The following LTBP1 variants were observed in gnomAD, a reference collection of about 807,000 sequenced individuals.
LTBP1 encodes the protein latent transforming growth factor beta binding protein 1, also known as latent-transforming growth factor beta-binding protein 1.
A neutral mutation model predicts 207.6 loss-of-function variants in LTBP1; 129 were observed. That is an observed-to-expected ratio of 0.62 (90% CI 0.54 to 0.72). LTBP1 has a LOEUF of 0.72. LTBP1 is among the 30% of genes least tolerant of loss of function. LTBP1 has a pLI of 0.00. For synonymous variants in LTBP1, 963 were observed against 833.7 expected, an observed-to-expected ratio of 1.16 and a Z score of -2.67; for missense variants, 2,281 against 2,217.2, an observed-to-expected ratio of 1.03 and a Z score of -0.58.
At chr2:33,120,567 A>G (rs1017505552) in intron 4 of LTBP1, among the ~76,000 whole-genome samples, 4 of 151,992 alleles carry the variant, frequency 2.6e-5, no homozygotes, top group African/African-American at 9.7e-5. Context: ...TATGTACCAT[A>G]TTTTCTTTAT....
At chr2:33,163,666 G>A (rs1466493251) in intron 5 of LTBP1, among the ~76,000 whole-genome samples, 1 of 152,132 alleles carries the variant, frequency 6.6e-6, no homozygotes, top group Admixed American at 6.5e-5. Context: ...TTATATATAT[G>A]TAACAGAATT....
chr2:33,033,128 G>C (rs2075762707), intron 3 of LTBP1, among the ~76,000 whole-genome samples: 1 of 152,112 alleles, frequency 6.6e-6, no homozygotes, highest in African/African-American at 2.4e-5. Context: ...TGTGTGCCAG[G>C]CAGTGTGCTA....
chr2:33,257,174 G>GTAAC, intron 11 of LTBP1, 110 bp from the exon 12 acceptor site: 1 of 740,138 alleles, frequency 1.4e-6, no homozygotes, highest in East Asian at 2.8e-5. Context: ...GTTTTAAAAT[G>GTAAC]TAACTACATT....
At chr2:33,111,715 C>T (rs1475952543) in intron 4 of LTBP1, among the ~76,000 whole-genome samples, 1 of 152,168 alleles carries the variant, frequency 6.6e-6, no homozygotes, top group Middle Eastern at 3.2e-3. Flanking sequence ...GAGTATCTAA[C>T]AGCAGGTTTG....
intron 20 of LTBP1, among the ~76,000 whole-genome samples, chr2:33,298,358 G>C (rs1469013478): frequency 1.3e-5 from 2 of 152,200 alleles, no homozygotes; most frequent in East Asian, 3.9e-4. Context: ...TACGTAAGAT[G>C]TCTGGCATAG....
At chr2:33,214,465 C>T (rs1267166858) in intron 7 of LTBP1, among the ~76,000 whole-genome samples, 2 of 152,166 alleles carry the variant, frequency 1.3e-5, no homozygotes, top group African/African-American at 2.4e-5. Context: ...CGTGCCTGTG[C>T]ATGTTTGTTT....
chr2:33,341,729 A>AAAAAATATAT (rs745445793), intron 24 of LTBP1, among the ~76,000 whole-genome samples: 35 of 93,620 alleles, frequency 3.7e-4, no homozygotes, highest in South Asian at 1.2e-3. Flanking sequence ...AAAAAAAAAA[A>AAAAAATATAT]ATATATATAT....
intron 3 of LTBP1, among the ~76,000 whole-genome samples, chr2:33,066,261 C>A (rs1336531886): frequency 2.0e-5 from 3 of 152,162 alleles, no homozygotes; most frequent in Non-Finnish European, 4.4e-5. Context: ...GCCATACTCA[C>A]TTGTTTATAT....
chr2:33,306,773 C>T (rs899850318), intron 22 of LTBP1, among the ~76,000 whole-genome samples: 4 of 151,866 alleles, frequency 2.6e-5, no homozygotes, highest in Non-Finnish European at 5.9e-5. Flanking sequence ...TCCTACAAAG[C>T]AAAGAAAGAA....
intron 33 of LTBP1, 43 bp downstream of exon 33, chr2:33,397,325 A>G (rs776393181): frequency 6.2e-7 from 1 of 1,606,178 alleles, no homozygotes; most frequent in South Asian, 1.1e-5. Context: ...TTTTTTCCTG[A>G]CACCCCGTAT....
intron 7 of LTBP1, among the ~76,000 whole-genome samples, chr2:33,204,209 T>A (rs945089186): frequency 6.6e-6 from 1 of 152,076 alleles, no homozygotes; most frequent in Admixed American, 6.6e-5. Flanking sequence ...ATCCTTCCAT[T>A]TTTTTTCCCT....
chr2:32,948,836 C>G lies in LTBP1; in HGVS notation c.495-39C>G, dbSNP rs368668567. On this transcript the variant is annotated intron_variant, in intron 1 of 33. Transcript: ENST00000404816. ...AAGCTTGGGTTCTTGGGAAGGGGGTCTTTCTGCTGCTGGACTCAGCGATCT... is the reference window on the plus strand; with the variant it reads ...AAGCTTGGGTTCTTGGGAAGGGGGTGTTTCTGCTGCTGGACTCAGCGATCT... The G allele has an allele frequency of 6.9e-6, 11 of 1,592,702 alleles. No individual in the cohort carries two copies. The African/African-American group carries it at 9.4e-5, about 14-fold the overall frequency.
At chr2:33,013,058 T>C (rs955411763) in intron 2 of LTBP1, among the ~76,000 whole-genome samples, 3 of 152,232 alleles carry the variant, frequency 2.0e-5, no homozygotes, top group African/African-American at 7.2e-5. Context: ...TTTAAATTTT[T>C]TCTTGGCACA....
At chr2:33,216,210 A>G (rs181066424) in intron 7 of LTBP1, among the ~76,000 whole-genome samples, 2 of 152,344 alleles carry the variant, frequency 1.3e-5, no homozygotes, top group African/African-American at 2.4e-5. Flanking sequence ...GACTGTATAG[A>G]CAGTGCTGTG....
intron 26 of LTBP1, 62 bp from the exon 27 acceptor site, chr2:33,360,535 C>A: frequency 9.3e-7 from 1 of 1,076,842 alleles, no homozygotes; most frequent in Non-Finnish European, 1.4e-6. Context: ...GCATTCTCTA[C>A]TTGTTGTCTT....
chr2:33,181,355 A>G (rs1043604184), intron 5 of LTBP1, among the ~76,000 whole-genome samples: 2 of 152,224 alleles, frequency 1.3e-5, no homozygotes, highest in Non-Finnish European at 2.9e-5. Context: ...TGTGAATATT[A>G]TTCTGTCAGC....
At chr2:33,140,168 G>A (rs1230984212) in intron 5 of LTBP1, among the ~76,000 whole-genome samples, 2 of 152,146 alleles carry the variant, frequency 1.3e-5, no homozygotes, top group African/African-American at 4.8e-5. Context: ...TGTGGTGCTG[G>A]GATGAAGAGC....
chr2:32,957,220 C>T (rs1397125896), intron 2 of LTBP1, among the ~76,000 whole-genome samples: 1 of 152,218 alleles, frequency 6.6e-6, no homozygotes, highest in East Asian at 1.9e-4. Flanking sequence ...CAGGAATTGA[C>T]TTCTCCTCAG....
chr2:32,948,235 G>C (rs1051012618), intron 1 of LTBP1, among the ~76,000 whole-genome samples: 1 of 152,204 alleles, frequency 6.6e-6, no homozygotes, highest in Admixed American at 6.5e-5. Context: ...CGGGCTAGCC[G>C]TAAAGATCCA....
Sources: gnomAD v4.1 joint callset for allele counts (sites outside exome capture counted in the v4.1 genomes callset) on GRCh38, gnomAD v4.1.1 for gene constraint, MANE v1.5 for transcripts, NCBI Gene and HGNC (gene_info 2026-07-23, HGNC 2026-07-21) for gene names.